Variants in THSD7A observed in about 807,000 individuals in gnomAD.
THSD7A encodes the protein thrombospondin type-1 domain-containing protein 7A.
THSD7A carries 96 observed loss-of-function variants against 231.3 expected under a neutral mutation model. That is an observed-to-expected ratio of 0.41 (90% CI 0.35 to 0.49). The LOEUF is 0.49. THSD7A is among the 20% of genes least tolerant of loss of function. The pLI is 0.05. For missense variants in THSD7A, 2,290 were observed against 2,070.2 expected (o/e 1.11, Z -2.06); for synonymous variants, 940 against 743.3 (o/e 1.26, Z -4.30).
At chr7:11,823,590 T>C (rs1402202504) in intron 1 of THSD7A, among the ~76,000 whole-genome samples, 2 of 152,162 alleles carry the variant, frequency 1.3e-5, no homozygotes, top group East Asian at 1.9e-4. Flanking sequence ...TTCATGAGCA[T>C]GGGATGTTTT....
chr7:11,553,027 A>C (rs113219806), intron 4 of THSD7A, among the ~76,000 whole-genome samples: 2 of 151,634 alleles, frequency 1.3e-5, no homozygotes, highest in African/African-American at 4.8e-5. Context: ...TTGAATCTCC[A>C]CTCCAAAACT....
intron 2 of THSD7A, among the ~76,000 whole-genome samples, chr7:11,601,907 T>G (rs2128344752): frequency 6.6e-6 from 1 of 152,286 alleles, no homozygotes; most frequent in East Asian, 1.9e-4. Flanking sequence ...TCACACAGAG[T>G]AAGCAGTTGA....
chr7:11,783,794 T>C (rs557102591), intron 1 of THSD7A, among the ~76,000 whole-genome samples: 1 of 152,168 alleles, frequency 6.6e-6, no homozygotes, highest in South Asian at 2.1e-4. Flanking sequence ...AGTCTAGAAA[T>C]AGGAAGGAAA....
rs150072578 is a variant in THSD7A at position 11,526,361 on chromosome 7, C to T, written c.1822+15058G>A. Among the ~76,000 whole-genome samples the T allele has an allele frequency of 1.9e-4, 29 of 152,264 alleles. No homozygotes were observed. The East Asian group carries it at 5.6e-3, about 29-fold the overall frequency. ...CTCCTTGAGTTAACATGAGTCATCT[C>T]CTTTTTAAAAACTTCAGTGATCCTA... On this transcript the variant is annotated intron_variant, in intron 6 of 27. Transcript: ENST00000423059.
intron 11 of THSD7A, among the ~76,000 whole-genome samples, chr7:11,455,949 G>C (rs571992412): frequency 3.9e-5 from 6 of 152,094 alleles, no homozygotes; most frequent in African/African-American, 1.4e-4. Flanking sequence ...AAAAATGAAA[G>C]TATGTCTATA....
At chr7:11,695,699 A>C (rs1316896902) in intron 1 of THSD7A, among the ~76,000 whole-genome samples, 1 of 151,546 alleles carries the variant, frequency 6.6e-6, no homozygotes, top group East Asian at 2.0e-4. Context: ...CAAAGATAGT[A>C]GGTTAGGACA....
chr7:11,576,577 AC>A (rs1790916818), intron 4 of THSD7A, among the ~76,000 whole-genome samples: 1 of 152,198 alleles, frequency 6.6e-6, no homozygotes, highest in Non-Finnish European at 1.5e-5. Context: ...ATACCAGGTG[AC>A]TTGATATAAT....
chr7:11,799,678 A>G (rs1229055197), intron 1 of THSD7A, among the ~76,000 whole-genome samples: 2 of 152,196 alleles, frequency 1.3e-5, no homozygotes, highest in Non-Finnish European at 2.9e-5. Flanking sequence ...AGAAATAAGC[A>G]TATTTTGGGT....
chr7:11,640,395 C>A (rs932672471), intron 1 of THSD7A, among the ~76,000 whole-genome samples: 2 of 152,026 alleles, frequency 1.3e-5, no homozygotes, highest in Non-Finnish European at 2.9e-5. Context: ...TGCAGTATAT[C>A]ATTGATTATC....
At chr7:11,654,748 G>A (rs902842993) in intron 1 of THSD7A, among the ~76,000 whole-genome samples, 1 of 151,890 alleles carries the variant, frequency 6.6e-6, no homozygotes, top group African/African-American at 2.4e-5. Flanking sequence ...GACACATGCA[G>A]ATGAATAATA....
chr7:11,449,425 C>T (rs1394486021), intron 11 of THSD7A, among the ~76,000 whole-genome samples: 1 of 151,920 alleles, frequency 6.6e-6, no homozygotes, highest in African/African-American at 2.4e-5. Flanking sequence ...GTTTGAGACC[C>T]ACCAGCTTGA....
At chr7:11,830,820 A>C (rs868457267) in intron 1 of THSD7A, among the ~76,000 whole-genome samples, 25 of 152,148 alleles carry the variant, frequency 1.6e-4, no homozygotes, top group African/African-American at 5.1e-4. Context: ...TTCCCTTTCA[A>C]CTACAACATT....
chr7:11,375,816 T>A lies in THSD7A; in HGVS notation c.4952A>T (p.Tyr1651Phe). The A allele has an allele frequency of 6.2e-7, 1 of 1,612,666 alleles. No individual in the cohort carries two copies. Among genetic ancestry groups the A allele is most frequent in the Non-Finnish European group, 8.5e-7 (1 of 1,178,984 alleles). ...NNRLKPLTLA[Y>F]DGDADM The stretch of plus-strand genomic sequence containing the variant: ...ATGTTACATGTCGGCATCTCCATCA[T>A]AGGCTAAGGTTAAAGGTTTCAGTCG... Residue 1651 changes from tyrosine (Y) to phenylalanine (F), a missense_variant, in exon 28 of 28, where the codon TAT becomes TTT. Tyr to Phe is a conservative substitution (Grantham distance 22). Coordinates refer to ENST00000423059, the MANE Select transcript of THSD7A (RefSeq NM_015204.3).
At chr7:11,724,079 G>C (rs1781459219) in intron 1 of THSD7A, among the ~76,000 whole-genome samples, 1 of 151,940 alleles carries the variant, frequency 6.6e-6, no homozygotes, top group African/African-American at 2.4e-5. Context: ...TTAGTTGTGT[G>C]ATTGGGGATA....
intron 1 of THSD7A, among the ~76,000 whole-genome samples, chr7:11,656,726 C>G (rs539835446): frequency 6.6e-6 from 1 of 151,848 alleles, no homozygotes; most frequent in African/African-American, 2.4e-5. Context: ...ATATCATTGC[C>G]CATCCAGCAA....
chr7:11,690,263 G>A (rs956422657), intron 1 of THSD7A, among the ~76,000 whole-genome samples: 3 of 151,726 alleles, frequency 2.0e-5, no homozygotes, highest in Non-Finnish European at 4.4e-5. Context: ...ATGTATTTTC[G>A]AAGTGTTTTT....
intron 1 of THSD7A, among the ~76,000 whole-genome samples, chr7:11,799,614 A>G: frequency 6.6e-6 from 1 of 152,214 alleles, no homozygotes; most frequent in Non-Finnish European, 1.5e-5. Context: ...TCCTTAGATC[A>G]CATTCCTCAG....
intron 13 of THSD7A, 42 bp from the exon 14 acceptor site, chr7:11,429,167 G>A: frequency 6.6e-7 from 1 of 1,514,596 alleles, no homozygotes; most frequent in Non-Finnish European, 8.8e-7. Context: ...TCCTCCACCT[G>A]TCACTCTCCC....
rs926449197 is a variant in THSD7A, at chr7:11,654,226, A to G, written c.191-17265T>C. Among the ~76,000 whole-genome samples, 5 of 151,844 alleles carry G rather than the reference A, an allele frequency of 3.3e-5. No individual in the cohort carries two copies. In the East Asian group the frequency reaches 7.8e-4, roughly 24 times the overall value. ...TTTGATCAGTGTTTTTCACACAACA[A>G]TTTTAGCTTAGAAACTATGGCAAAT... On this transcript the variant is annotated intron_variant, in intron 1 of 27. Transcript: ENST00000423059.
Sources: allele counts gnomAD v4.1 joint callset (sites outside exome capture counted in the v4.1 genomes callset), GRCh38; gene constraint gnomAD v4.1.1; transcripts MANE v1.5; gene names NCBI Gene and HGNC (gene_info 2026-07-23, HGNC 2026-07-21).